The following SLC44A5 variants were observed in gnomAD, a reference collection of about 807,000 sequenced individuals.
SLC44A5 encodes choline transporter-like protein 5.
SLC44A5 carries 57 observed loss-of-function variants against 101.8 expected under a neutral mutation model. The observed-to-expected ratio is 0.56, with a 90% CI of 0.45 to 0.70. The LOEUF (loss-of-function observed/expected upper bound fraction) is 0.70, where lower values mean the gene tolerates loss of function less well. Among genes scored for constraint, SLC44A5 ranks in the 30% least tolerant of loss-of-function variants. The pLI is 0.00. For missense variants in SLC44A5, 737 were observed against 853.1 expected, an observed-to-expected ratio of 0.86 and a Z score of 1.70; for synonymous variants, 281 against 290.9, an observed-to-expected ratio of 0.97 and a Z score of 0.35.
chr1:75,561,517 T>C (rs1353760747), intron 1 of SLC44A5, among the ~76,000 whole-genome samples: 1 of 152,150 alleles, frequency 6.6e-6, no homozygotes, highest in African/African-American at 2.4e-5. Flanking sequence ...TAACATTCAA[T>C]ACTGTAGGTC....
intron 3 of SLC44A5, among the ~76,000 whole-genome samples, chr1:75,390,618 C>A (rs570711504): frequency 8.5e-5 from 13 of 152,142 alleles, no homozygotes; most frequent in African/African-American, 2.9e-4. Context: ...AATCCAATAT[C>A]CCTTCATAAT....
At chr1:75,534,528 A>C (rs1216820180) in intron 2 of SLC44A5, among the ~76,000 whole-genome samples, 1 of 152,264 alleles carries the variant, frequency 6.6e-6, no homozygotes, top group African/African-American at 2.4e-5. Context: ...GACAGCTTCA[A>C]GTCAAGTGAC....
At chr1:75,281,655 G>T (rs369762182) in intron 5 of SLC44A5, among the ~76,000 whole-genome samples, 3 of 39,636 alleles carry the variant, frequency 7.6e-5, no homozygotes, top group African/African-American at 1.6e-4. Context: ...CCCCCCCGCT[G>T]CATTTAGCCT....
intron 2 of SLC44A5, among the ~76,000 whole-genome samples, chr1:75,477,502 G>T (rs1400778061): frequency 6.6e-6 from 1 of 152,028 alleles, no homozygotes; most frequent in African/African-American, 2.4e-5. Context: ...TAAAACCTTT[G>T]AAAAAAATTT....
intron 14 of SLC44A5, among the ~76,000 whole-genome samples, chr1:75,221,304 G>T (rs552976100): frequency 4.9e-4 from 75 of 152,236 alleles, no homozygotes; most frequent in Non-Finnish European, 4.7e-4. Flanking sequence ...TAAATAGAGA[G>T]CATGGGCTGT....
At chr1:75,490,971 G>A (rs1228964454) in intron 2 of SLC44A5, among the ~76,000 whole-genome samples, 2 of 151,646 alleles carry the variant, frequency 1.3e-5, no homozygotes, top group East Asian at 3.9e-4. Flanking sequence ...CTTAACACTT[G>A]CTTCATATCA....
chr1:75,549,858 T>C (rs1671844282), intron 1 of SLC44A5, among the ~76,000 whole-genome samples: 1 of 152,072 alleles, frequency 6.6e-6, no homozygotes, highest in East Asian at 1.9e-4. Context: ...GAACATCCTG[T>C]AAAGGCTCGG....
chr1:75,213,821 T>C (rs1229870202), intron 21 of SLC44A5, 28 bp from the exon 22 acceptor site: 5 of 1,573,242 alleles, frequency 3.2e-6, no homozygotes, highest in Non-Finnish European at 4.4e-6. Flanking sequence ...AACATGTATA[T>C]TATACTTTTG....
intron 3 of SLC44A5, among the ~76,000 whole-genome samples, chr1:75,380,739 C>T (rs1455251391): frequency 2.4e-5 from 2 of 82,654 alleles, no homozygotes; most frequent in Non-Finnish European, 4.2e-5. Flanking sequence ...ATGAACCCAT[C>T]GGAGATGCAA....
upstream of SLC44A5, among the ~76,000 whole-genome samples, chr1:75,613,215 C>T (rs988288750): frequency 2.0e-5 from 3 of 152,210 alleles, no homozygotes; most frequent in African/African-American, 4.8e-5. Context: ...ATAACCAACA[C>T]AGCATGGAAT....
chr1:75,333,457 A>ATT (rs5775282), intron 4 of SLC44A5, among the ~76,000 whole-genome samples: 4,331 of 142,986 alleles, frequency 0.03, 112 homozygotes, highest in African/African-American at 0.06. Context: ...TCTTTTTTCT[A>ATT]TTTTTTTTTT....
the SLC44A5 span, among the ~76,000 whole-genome samples, chr1:75,672,249 G>A: frequency 2.6e-5 from 4 of 152,106 alleles, no homozygotes; most frequent in Non-Finnish European, 5.9e-5. Context: ...CCATCCCCTG[G>A]AGTTAGCCAC....
At chr1:75,529,659 A>T (rs1189485023) in intron 2 of SLC44A5, among the ~76,000 whole-genome samples, 1 of 152,156 alleles carries the variant, frequency 6.6e-6, no homozygotes, top group Non-Finnish European at 1.5e-5. Flanking sequence ...CAATAAGAAA[A>T]ATTGCATCTC....
rs556466951 is a variant in SLC44A5, at chr1:75,255,500, C to A, written c.261-4206G>T. ...AATTAAGAAATTCTAAAATACAGAACAAAAAGTCAGAGATGAAAAATAGAA... is the reference window on the plus strand; with the variant it reads ...AATTAAGAAATTCTAAAATACAGAAAAAAAAGTCAGAGATGAAAAATAGAA... On this transcript the variant is annotated intron_variant, in intron 6 of 23. Coordinates refer to ENST00000370859, the MANE Select transcript of SLC44A5 (RefSeq NM_001130058.2). 2.4e-4 allele frequency among the ~76,000 whole-genome samples: 36 copies of A among 149,718 alleles called. 1 individual carries two copies. The highest frequency in any genetic ancestry group is 8.6e-4 in the African/African-American group (35 of 40,888).
At chr1:75,486,741 G>C (rs1428347900) in intron 2 of SLC44A5, among the ~76,000 whole-genome samples, 2 of 152,200 alleles carry the variant, frequency 1.3e-5, no homozygotes, top group African/African-American at 2.4e-5. Flanking sequence ...GATCTTCTTT[G>C]ACTCCATGCC....
At chr1:75,620,358 T>C in the SLC44A5 span, among the ~76,000 whole-genome samples, 1 of 152,164 alleles carries the variant, frequency 6.6e-6, no homozygotes, top group Non-Finnish European at 1.5e-5. Context: ...AGTAATAGGA[T>C]TGCTGGGTCA....
the SLC44A5 span, among the ~76,000 whole-genome samples, chr1:75,695,978 G>A: frequency 0.26 from 39,041 of 151,038 alleles, 5,363 homozygotes; most frequent in Middle Eastern, 0.37. Flanking sequence ...TTTTTTAATG[G>A]CAGCACAGCT....
At chr1:75,383,888 TG>T (rs1471139152) in intron 3 of SLC44A5, among the ~76,000 whole-genome samples, 1 of 151,824 alleles carries the variant, frequency 6.6e-6, no homozygotes. Context: ...CAGGAGAGAG[TG>T]GGGGCCAATA....
chr1:75,211,400 AT>A (rs1461614561), intron 23 of SLC44A5, 67 bp downstream of exon 23: 1 of 1,241,756 alleles, frequency 8.1e-7, no homozygotes, highest in Admixed American at 1.8e-5. Context: ...AGCTAAGGAC[AT>A]GGGCCTTCAC....
Sources: gnomAD v4.1 joint callset for allele counts (sites outside exome capture counted in the v4.1 genomes callset) on GRCh38, gnomAD v4.1.1 for gene constraint, MANE v1.5 for transcripts, NCBI Gene and HGNC (gene_info 2026-07-23, HGNC 2026-07-21) for gene names.